LGR4: variants seen among roughly 807,000 people sequenced by gnomAD.
LGR4 encodes the protein leucine rich repeat containing G protein-coupled receptor 4, also known as leucine-rich repeat-containing G protein-coupled receptor 4.
In LGR4, 44 loss-of-function variants were observed where a neutral mutation model predicts 84.8. The observed-to-expected ratio is 0.52, with a 90% CI of 0.41 to 0.67. The LOEUF (loss-of-function observed/expected upper bound fraction) is 0.67. Ranked by LOEUF, LGR4 falls within the 30% of genes least tolerant of loss-of-function variation. The pLI is 0.00. For missense variants in LGR4, 1,032 were observed against 1,131.4 expected, an observed-to-expected ratio of 0.91 and a Z score of 1.26; for synonymous variants, 429 against 434.3, an observed-to-expected ratio of 0.99 and a Z score of 0.15.
rs561415949 is a variant in LGR4 at position 27,384,026 on chromosome 11, T to C, written c.689+310A>G. Among the ~76,000 whole-genome samples the C allele has an allele frequency of 2.0e-5, 3 of 152,338 alleles. No individual in the cohort carries two copies. In the East Asian group the frequency reaches 5.8e-4, roughly 29 times the overall value. Reference sequence around the variant, plus strand: ...ATCCAGAATTCATTTTAGAACTTTCTAACTTCCAAAACTGTCATACATTTA... The same window carrying C: ...ATCCAGAATTCATTTTAGAACTTTCCAACTTCCAAAACTGTCATACATTTA... On this transcript the variant is annotated intron_variant, in intron 6 of 17. Transcript: ENST00000379214.
At chr11:27,409,209 T>C (rs1470796973) in intron 2 of LGR4, among the ~76,000 whole-genome samples, 1 of 152,084 alleles carries the variant, frequency 6.6e-6, no homozygotes, top group East Asian at 1.9e-4. Flanking sequence ...CTCACAGTGT[T>C]CCAGAAAGCA....
chr11:27,462,123 G>A (rs1210899763), intron 1 of LGR4, among the ~76,000 whole-genome samples: 1 of 152,056 alleles, frequency 6.6e-6, no homozygotes, highest in Non-Finnish European at 1.5e-5. Context: ...GTGAGCCACA[G>A]CCCCCAGCCA....
At chr11:27,391,278 G>T (rs570363117) in intron 3 of LGR4, 113 bp from the exon 4 acceptor site, 417 of 587,288 alleles carry the variant, frequency 7.1e-4, no homozygotes, top group South Asian at 1.3e-3. Flanking sequence ...TGGGAAAATG[G>T]GGGGGAGGTG....
chr11:27,384,253 TA>T, intron 6 of LGR4, 82 bp downstream of exon 6: 1 of 857,946 alleles, frequency 1.2e-6, no homozygotes, highest in Non-Finnish European at 1.9e-6. Context: ...TTAAGGCCAA[TA>T]TTTTTTTCTT....
In LGR4 at chr11:27,437,834, T is replaced by G. The variant is rs544648686; in HGVS notation, c.186-24974A>C. 7.4e-4 allele frequency among the ~76,000 whole-genome samples: 112 copies of G among 152,030 alleles called. 2 individuals carry two copies. The Middle Eastern group carries it at 0.027, about 37-fold the overall frequency. On this transcript the variant is annotated intron_variant, in intron 1 of 17. Coordinates refer to ENST00000379214, the MANE Select transcript of LGR4 (RefSeq NM_018490.5). ...CTGGGTAACATAGTGAGATTCTGTC[T>G]CTACAAAAAAGATTAAAAAATACAG...
In LGR4 at chr11:27,380,270, C is replaced by T; in HGVS notation, c.971+1G>A. The T allele has an allele frequency of 6.2e-7, 1 of 1,602,130 alleles. No homozygotes were observed. The highest frequency in any genetic ancestry group is 8.5e-7 in the Non-Finnish European group (1 of 1,171,508). ...ACCCCTCTTCAAAGGGCCTTACTTA[C>T]AGACTTTCCAGGTGGACAGTTCCTG... On this transcript the variant is annotated splice_donor_variant, in intron 10 of 17. Coordinates refer to ENST00000379214, the MANE Select transcript of LGR4 (RefSeq NM_018490.5). LOFTEE classifies it high-confidence loss of function.
chr11:27,467,375 G>A (rs1296709397), intron 1 of LGR4, among the ~76,000 whole-genome samples: 1 of 151,990 alleles, frequency 6.6e-6, no homozygotes, highest in African/African-American at 2.4e-5. Flanking sequence ...AGACCAGCCT[G>A]GCCAAGATGG....
In LGR4 at chr11:27,380,623, T is replaced by C; in HGVS notation, c.902+17A>G. 1 of 1,495,852 alleles carries C rather than the reference T, an allele frequency of 6.7e-7. No individual in the cohort carries two copies. The highest frequency in any genetic ancestry group is 1.8e-4 in the Middle Eastern group (1 of 5,496). The allele number at this position is 1,495,852 out of a possible 1,614,324, so 92.7% of individuals were successfully genotyped here. A position where few individuals can be genotyped will look rare whatever the true frequency, so the allele number is the denominator to read the frequency against. On this transcript the variant is annotated intron_variant, in intron 9 of 17. Transcript: ENST00000379214. ...CTGTATAAATATCCAGGTTTGTTTT[T>C]AAATTCACATACTTACAGGGAATGA...
At chr11:27,423,321 C>A (rs765010813) in intron 1 of LGR4, among the ~76,000 whole-genome samples, 1 of 152,170 alleles carries the variant, frequency 6.6e-6, no homozygotes, top group South Asian at 2.1e-4. Flanking sequence ...AGCTGCCAAC[C>A]GTCAGAGCCT....
At chr11:27,394,358 T>C (rs1238360050) in intron 2 of LGR4, among the ~76,000 whole-genome samples, 1 of 152,198 alleles carries the variant, frequency 6.6e-6, no homozygotes, top group African/African-American at 2.4e-5. Context: ...CTCTTGGTTC[T>C]AGACTAGCCA....
chr11:27,368,407 G>A lies in LGR4; in HGVS notation c.2316C>T (p.Ile772=). The A allele has an allele frequency of 2.5e-6, 4 of 1,614,064 alleles. No individual in the cohort carries two copies. The highest frequency in any genetic ancestry group is 3.4e-6 in the Non-Finnish European group (4 of 1,179,998). ...PVAFFSFAPL[I]TAISISPEIM... is the part of the protein sequence containing the mutation. ...TTTCGGGGCTGATAGAGATTGCAGT[G>A]ATCAATGGTGCAAATGAAAAAAACG... Residue 772 remains isoleucine, a synonymous_variant, in exon 18 of 18, where the codon ATC becomes ATT. Coordinates refer to ENST00000379214, the MANE Select transcript of LGR4 (RefSeq NM_018490.5).
At chr11:27,402,506 ATACTTCCTTACTGTTTAAAAGT>A (rs1863522950) in intron 2 of LGR4, among the ~76,000 whole-genome samples, 1 of 152,134 alleles carries the variant, frequency 6.6e-6, no homozygotes, top group Non-Finnish European at 1.5e-5. Flanking sequence ...GTAAGATAAT[ATACTTCCTTACTGTTTAAAAGT>A]TACTTTTAAT....
intron 2 of LGR4, among the ~76,000 whole-genome samples, chr11:27,405,636 T>C (rs1221584190): frequency 6.6e-6 from 1 of 152,164 alleles, no homozygotes; most frequent in East Asian, 1.9e-4. Context: ...GCATTATTGC[T>C]AATTTTCGTC....
At chr11:27,419,778 C>T in intron 1 of LGR4, among the ~76,000 whole-genome samples, 1 of 151,520 alleles carries the variant, frequency 6.6e-6, no homozygotes, top group East Asian at 1.9e-4. Flanking sequence ...CTGATACAAG[C>T]AACAATATGG....
intron 2 of LGR4, among the ~76,000 whole-genome samples, chr11:27,396,870 T>C (rs1286749384): frequency 6.6e-6 from 1 of 152,174 alleles, no homozygotes; most frequent in Non-Finnish European, 1.5e-5. Flanking sequence ...TGGTTTTCTG[T>C]TTGTGAAGGT....
chr11:27,457,126 T>TA (rs1430398208), intron 1 of LGR4, among the ~76,000 whole-genome samples: 1 of 152,240 alleles, frequency 6.6e-6, no homozygotes, highest in Non-Finnish European at 1.5e-5. Context: ...ACAAGTTACC[T>TA]AATCCTTTTA....
intron 2 of LGR4, among the ~76,000 whole-genome samples, chr11:27,408,303 G>C (rs1863649855): frequency 6.6e-6 from 1 of 152,094 alleles, no homozygotes; most frequent in Non-Finnish European, 1.5e-5. Flanking sequence ...TCTTCAATTA[G>C]TATTCAGAGA....
intron 1 of LGR4, among the ~76,000 whole-genome samples, chr11:27,452,193 G>A (rs904305985): frequency 1.3e-5 from 2 of 152,134 alleles, no homozygotes; most frequent in Admixed American, 6.5e-5. Context: ...TTCTTTAAGG[G>A]GTAAGGCCAT....
chr11:27,381,619 C>T (rs749217888), intron 7 of LGR4, among the ~76,000 whole-genome samples: 24 of 152,118 alleles, frequency 1.6e-4, no homozygotes, highest in Non-Finnish European at 2.8e-4. Flanking sequence ...GAGGTCAAGG[C>T]TGCAGTGAGC....
Sources: gnomAD v4.1 joint callset for allele counts (sites outside exome capture counted in the v4.1 genomes callset) on GRCh38, gnomAD v4.1.1 for gene constraint, MANE v1.5 for transcripts, NCBI Gene and HGNC (gene_info 2026-07-23, HGNC 2026-07-21) for gene names.